Variants in FRMPD1 observed in about 807,000 individuals in gnomAD.
The protein encoded by FRMPD1 is FERM and PDZ domain-containing protein 1.
In FRMPD1, 76 loss-of-function variants were observed where a neutral mutation model predicts 117.8. That is an observed-to-expected ratio of 0.65 (90% confidence interval 0.54 to 0.78). FRMPD1 has a LOEUF of 0.78. FRMPD1 is among the 30% of genes least tolerant of loss of function. The pLI is 0.00. For synonymous variants in FRMPD1, 783 were observed against 770.4 expected, an observed-to-expected ratio of 1.02 and a Z score of -0.27; for missense variants, 1,786 against 1,964.5, an observed-to-expected ratio of 0.91 and a Z score of 1.72.
rs528333009 is a variant in FRMPD1, at chr9:37,692,447, A to T, written c.-4-191A>T. ...ACCCAGTCTGTTTGCTGCAAGATTG[A>T]GGGTTGCTAAAGTTGTTCACTCTGT... On this transcript the variant is annotated intron_variant, in intron 1 of 15. Transcript: ENST00000377765. 7.0e-4 allele frequency among the ~76,000 whole-genome samples: 106 copies of T among 152,158 alleles called. 1 individual carries two copies. The highest frequency in any genetic ancestry group is 1.2e-3 in the Non-Finnish European group (79 of 68,036).
chr9:37,735,429 A>G, intron 12 of FRMPD1, 123 bp from the exon 13 acceptor site: 2 of 700,306 alleles, frequency 2.9e-6, no homozygotes, highest in Non-Finnish European at 2.5e-6. Context: ...AGTCTGGAGG[A>G]GTGGTGGTTA....
At chr9:37,697,387 T>A (rs1822356300) in intron 2 of FRMPD1, among the ~76,000 whole-genome samples, 1 of 150,872 alleles carries the variant, frequency 6.6e-6, no homozygotes, top group African/African-American at 2.4e-5. Flanking sequence ...CACGGTGAAA[T>A]CCCGTCTCTG....
chr9:37,636,755 C>G, the FRMPD1 span: 11 of 1,602,438 alleles, frequency 6.9e-6, no homozygotes, highest in Non-Finnish European at 9.3e-6. Context: ...CCGCTCGCCC[C>G]CGGAGGCTGC....
intron 2 of FRMPD1, among the ~76,000 whole-genome samples, chr9:37,698,464 A>G (rs1469811980): frequency 6.8e-6 from 1 of 147,134 alleles, no homozygotes; most frequent in African/African-American, 2.5e-5. Context: ...TGGGCTGGCT[A>G]TTCTGTTCCA....
intron 1 of FRMPD1, among the ~76,000 whole-genome samples, chr9:37,666,334 T>C (rs964702712): frequency 3.9e-5 from 6 of 152,154 alleles, no homozygotes; most frequent in Non-Finnish European, 7.3e-5. Flanking sequence ...AGGAGTGAAA[T>C]GTAAATGTCC....
chr9:37,736,183 C>A (rs1460928085), intron 13 of FRMPD1, among the ~76,000 whole-genome samples: 4 of 151,632 alleles, frequency 2.6e-5, no homozygotes, highest in East Asian at 4.0e-4. Flanking sequence ...TGTATTTTTT[C>A]GTAGAGATGG....
At chr9:37,667,078 T>TTTTTTTTTTTTTTTTC (rs1588910743) in intron 1 of FRMPD1, among the ~76,000 whole-genome samples, 1 of 149,466 alleles carries the variant, frequency 6.7e-6, no homozygotes, top group African/African-American at 2.5e-5. Context: ...TTTTTTTTTT[T>TTTTTTTTTTTTTTTTC]CCTGAGACAG....
chr9:37,649,797 T>C (rs1820612241), upstream of FRMPD1, among the ~76,000 whole-genome samples: 1 of 152,216 alleles, frequency 6.6e-6, no homozygotes, highest in Non-Finnish European at 1.5e-5. Context: ...TGCAAACTCC[T>C]TGACCAGGAA....
the FRMPD1 span, among the ~76,000 whole-genome samples, chr9:37,625,668 G>A: frequency 6.6e-6 from 1 of 152,230 alleles, no homozygotes; most frequent in African/African-American, 2.4e-5. Context: ...GGAAAAAATA[G>A]GTAAGGAGCT....
chr9:37,733,898 T>C (rs1824007303), intron 12 of FRMPD1, 73 bp downstream of exon 12: 1 of 878,908 alleles, frequency 1.1e-6, no homozygotes, highest in Non-Finnish European at 1.9e-6. Context: ...CAATGTGTCT[T>C]TTAGCCTAAA....
At chr9:37,635,990 G>A in the FRMPD1 span, among the ~76,000 whole-genome samples, 2 of 152,216 alleles carry the variant, frequency 1.3e-5, no homozygotes, top group African/African-American at 4.8e-5. Flanking sequence ...CGGTGGGCAG[G>A]CAGCGCGTGG....
chr9:37,619,288 G>C, the FRMPD1 span, among the ~76,000 whole-genome samples: 2 of 152,082 alleles, frequency 1.3e-5, no homozygotes, highest in African/African-American at 4.8e-5. Context: ...TCACAACCCG[G>C]GCCTATAACT....
intron 5 of FRMPD1, among the ~76,000 whole-genome samples, chr9:37,713,672 A>AGT (rs984181593): frequency 6.6e-5 from 10 of 151,908 alleles, no homozygotes; most frequent in Admixed American, 2.0e-4. Context: ...AACTATATAT[A>AGT]GTGTGTGTGT....
chr9:37,696,754 C>A (rs1822338164), intron 2 of FRMPD1, among the ~76,000 whole-genome samples: 1 of 152,160 alleles, frequency 6.6e-6, no homozygotes, highest in African/African-American at 2.4e-5. Flanking sequence ...CACAGATATG[C>A]ATCTGTAGTC....
intron 1 of FRMPD1, among the ~76,000 whole-genome samples, chr9:37,664,258 G>C (rs1821088004): frequency 6.6e-6 from 1 of 151,990 alleles, no homozygotes; most frequent in Admixed American, 6.6e-5. Flanking sequence ...ATGCCCTTTG[G>C]AGGGGATGTA....
chr9:37,642,204 T>C, the FRMPD1 span, among the ~76,000 whole-genome samples: 2 of 152,208 alleles, frequency 1.3e-5, no homozygotes, highest in African/African-American at 4.8e-5. Flanking sequence ...CTGGATGATC[T>C]TGAGCAGGTT....
At chr9:37,653,819 G>C (rs1180676411) in intron 1 of FRMPD1, among the ~76,000 whole-genome samples, 2 of 152,288 alleles carry the variant, frequency 1.3e-5, no homozygotes, top group Admixed American at 1.3e-4. Flanking sequence ...GCTGGGTGTA[G>C]TGGGTGTGCA....
chr9:37,641,692 C>T, the FRMPD1 span, among the ~76,000 whole-genome samples: 824 of 152,082 alleles, frequency 5.4e-3, 11 homozygotes, highest in African/African-American at 0.019. Flanking sequence ...TATCCTACAC[C>T]GAAGATAGGA....
the FRMPD1 span, among the ~76,000 whole-genome samples, chr9:37,613,424 G>T: frequency 6.6e-6 from 1 of 152,174 alleles, no homozygotes; most frequent in South Asian, 2.1e-4. Context: ...AAAAGTTAAT[G>T]TGAAACAAAC....
Sources: allele counts gnomAD v4.1 joint callset (sites outside exome capture counted in the v4.1 genomes callset), GRCh38; gene constraint gnomAD v4.1.1; transcripts MANE v1.5; gene names NCBI Gene and HGNC (gene_info 2026-07-23, HGNC 2026-07-21).